The following XPO7 variants were observed in gnomAD, a reference collection of about 807,000 sequenced individuals.
XPO7 encodes exportin 7, also known as exportin-7.
A neutral mutation model predicts 144.3 loss-of-function variants in XPO7; 21 were observed. That is an observed-to-expected ratio of 0.15 (90% CI 0.10 to 0.21). The LOEUF is 0.21. Ranked by LOEUF, XPO7 falls within the 10% of genes least tolerant of loss-of-function variation. The pLI is 1.00. For synonymous variants in XPO7, 580 were observed against 499.6 expected (o/e 1.16, Z -2.15); for missense variants, 808 against 1,325.8 (o/e 0.61, Z 6.06).
chr8:21,934,645 A>G (rs544991868), intron 1 of XPO7, among the ~76,000 whole-genome samples: 1 of 152,358 alleles, frequency 6.6e-6, no homozygotes, highest in South Asian at 2.1e-4. Flanking sequence ...TGACATGTTG[A>G]AAGTTCCTGA....
chr8:21,937,103 A>G (rs1366460242), intron 1 of XPO7, among the ~76,000 whole-genome samples: 1 of 152,228 alleles, frequency 6.6e-6, no homozygotes, highest in African/African-American at 2.4e-5. Flanking sequence ...TAAGAGGTTA[A>G]AAGTTTCAAA....
At chr8:21,954,701 C>T (rs1186366171) in intron 1 of XPO7, among the ~76,000 whole-genome samples, 1 of 152,120 alleles carries the variant, frequency 6.6e-6, no homozygotes, top group East Asian at 1.9e-4. Flanking sequence ...TGTCCCTCTG[C>T]AGTGTAGCTT....
intron 14 of XPO7, 85 bp downstream of exon 14, chr8:21,987,361 A>C: frequency 1.9e-6 from 3 of 1,564,662 alleles, no homozygotes; most frequent in Non-Finnish European, 2.6e-6. Flanking sequence ...CTGATAGTTC[A>C]CATAACCTCC....
chr8:21,980,668 G>C (rs545780271), intron 9 of XPO7, among the ~76,000 whole-genome samples: 1 of 151,946 alleles, frequency 6.6e-6, no homozygotes. Context: ...CCAGCTACTC[G>C]GGAGGCTGAG....
intron 1 of XPO7, chr8:21,964,116 A>T (rs1418998968): frequency 6.6e-6 from 1 of 152,206 alleles, no homozygotes; most frequent in East Asian, 1.9e-4. Flanking sequence ...CACTTTTATA[A>T]AGCATTTCAC....
intron 1 of XPO7, among the ~76,000 whole-genome samples, chr8:21,963,721 TG>T (rs1811799993): frequency 6.6e-6 from 1 of 151,892 alleles, no homozygotes; most frequent in Non-Finnish European, 1.5e-5. Flanking sequence ...GTATAACCAT[TG>T]GGCTATTTAA....
At chr8:21,968,068 C>G (rs1435993290) in intron 2 of XPO7, among the ~76,000 whole-genome samples, 1 of 152,176 alleles carries the variant, frequency 6.6e-6, no homozygotes, top group Non-Finnish European at 1.5e-5. Flanking sequence ...ATATTACGCT[C>G]TTTCACAGAT....
chr8:21,921,180 T>C (rs928719308), intron 1 of XPO7, among the ~76,000 whole-genome samples: 1 of 152,168 alleles, frequency 6.6e-6, no homozygotes, highest in African/African-American at 2.4e-5. Flanking sequence ...GCACCTTGCG[T>C]TTTATAGCAG....
chr8:21,920,207 A>G (rs912920503), intron 1 of XPO7, among the ~76,000 whole-genome samples: 2 of 147,228 alleles, frequency 1.4e-5, no homozygotes, highest in African/African-American at 5.0e-5. Context: ...CCCTCAGCAG[A>G]TAACAAAAAG....
At chr8:21,953,784 T>C (rs1439982667) in intron 1 of XPO7, among the ~76,000 whole-genome samples, 1 of 152,266 alleles carries the variant, frequency 6.6e-6, no homozygotes, top group African/African-American at 2.4e-5. Flanking sequence ...TCTTTTCATA[T>C]GCTTATTTGC....
intron 1 of XPO7, among the ~76,000 whole-genome samples, chr8:21,946,169 G>C (rs920625780): frequency 6.6e-6 from 1 of 152,298 alleles, no homozygotes; most frequent in Non-Finnish European, 1.5e-5. Flanking sequence ...AGCACAAACT[G>C]TAAGTAGCAG....
At chr8:21,974,328 C>G (rs1341401609) in intron 5 of XPO7, among the ~76,000 whole-genome samples, 1 of 152,032 alleles carries the variant, frequency 6.6e-6, no homozygotes, top group Non-Finnish European at 1.5e-5. Context: ...CACGCCTGGC[C>G]CATTAAGCCA....
At chr8:21,922,786 T>A (rs1405751568) in intron 1 of XPO7, among the ~76,000 whole-genome samples, 1 of 152,208 alleles carries the variant, frequency 6.6e-6, no homozygotes. Context: ...GAAGACTGAT[T>A]CCAGGATTTT....
intron 19 of XPO7, 38 bp downstream of exon 19, chr8:21,992,012 GGT>G (rs775791926): frequency 3.8e-5 from 59 of 1,534,108 alleles, no homozygotes; most frequent in East Asian, 2.5e-4. Flanking sequence ...ATCAGCTTCT[GGT>G]TTAGGGCAGT....
intron 1 of XPO7, among the ~76,000 whole-genome samples, chr8:21,963,443 C>G (rs1364234176): frequency 6.6e-6 from 1 of 152,182 alleles, no homozygotes; most frequent in East Asian, 1.9e-4. Context: ...CGCCTGTAAT[C>G]CCAGCACTTT....
At chr8:21,923,035 G>GT in intron 1 of XPO7, among the ~76,000 whole-genome samples, 1 of 152,174 alleles carries the variant, frequency 6.6e-6, no homozygotes, top group Non-Finnish European at 1.5e-5. Flanking sequence ...AGTGATGGTT[G>GT]TTTTTTCAGC....
chr8:21,961,994 G>A (rs1343269984), intron 1 of XPO7, among the ~76,000 whole-genome samples: 3 of 152,124 alleles, frequency 2.0e-5, no homozygotes, highest in Non-Finnish European at 2.9e-5. Flanking sequence ...CTATCTCATC[G>A]TGATTTGAAT....
At chr8:21,961,346 A>T (rs1811720319) in intron 1 of XPO7, among the ~76,000 whole-genome samples, 1 of 151,528 alleles carries the variant, frequency 6.6e-6, no homozygotes, top group African/African-American at 2.4e-5. Flanking sequence ...CATACTTGGG[A>T]TGACAAGGGC....
At chr8:21,990,287 T>G (rs1812726805) in intron 16 of XPO7, 57 bp from the exon 17 acceptor site, 44 of 1,564,220 alleles carry the variant, frequency 2.8e-5, no homozygotes, top group Non-Finnish European at 3.9e-5. Flanking sequence ...AGTTTCCATC[T>G]GCCTTAGAGT....
Sources: gnomAD v4.1 joint callset for allele counts (sites outside exome capture counted in the v4.1 genomes callset) on GRCh38, gnomAD v4.1.1 for gene constraint, MANE v1.5 for transcripts, NCBI Gene and HGNC (gene_info 2026-07-23, HGNC 2026-07-21) for gene names.